NTM: variants seen among roughly 807,000 people sequenced by gnomAD.
The protein encoded by NTM is IgLON family member 2.
In NTM, 13 loss-of-function variants were observed where a neutral mutation model predicts 42.1. The observed-to-expected ratio is 0.31, with a 90% CI of 0.20 to 0.49. NTM has a LOEUF of 0.49. Ranked by LOEUF, NTM falls within the 20% of genes least tolerant of loss-of-function variation. NTM has a pLI of 0.99. For synonymous variants in NTM, 187 were observed against 179.2 expected, an observed-to-expected ratio of 1.04 and a Z score of -0.35; for missense variants, 373 against 452.8, an observed-to-expected ratio of 0.82 and a Z score of 1.60.
intron 1 of NTM, among the ~76,000 whole-genome samples, chr11:131,467,439 T>C (rs1952000870): frequency 6.6e-6 from 1 of 152,230 alleles, no homozygotes; most frequent in African/African-American, 2.4e-5. Flanking sequence ...ACATTGGTTT[T>C]ACACAAACTA....
At chr11:131,963,411 A>T (rs2062448349) in intron 2 of NTM, among the ~76,000 whole-genome samples, 1 of 152,228 alleles carries the variant, frequency 6.6e-6, no homozygotes, top group South Asian at 2.1e-4. Flanking sequence ...ACTGGGTGTT[A>T]AAGAAAACAT....
intron 1 of NTM, chr11:131,795,867 C>T: frequency 1.0e-6 from 1 of 984,450 alleles, no homozygotes; most frequent in Non-Finnish European, 1.2e-6. Flanking sequence ...GCTCCTGAAC[C>T]ATAGAGACCG....
At chr11:131,601,058 G>A (rs2060442824) in intron 1 of NTM, among the ~76,000 whole-genome samples, 4 of 152,142 alleles carry the variant, frequency 2.6e-5, no homozygotes, top group South Asian at 2.1e-4. Context: ...TTGGGATGGG[G>A]CACCTCTCCA....
At chr11:131,528,989 G>A (rs1351855068) in intron 1 of NTM, among the ~76,000 whole-genome samples, 1 of 152,198 alleles carries the variant, frequency 6.6e-6, no homozygotes, top group African/African-American at 2.4e-5. Flanking sequence ...GTGCCTAGAT[G>A]TCATGAGTGC....
chr11:131,927,594 C>T (rs886521900), intron 2 of NTM, among the ~76,000 whole-genome samples: 9 of 152,236 alleles, frequency 5.9e-5, no homozygotes, highest in Non-Finnish European at 1.0e-4. Context: ...TTGGCTTCTG[C>T]TGATTCCTTT....
chr11:131,647,849 G>C (rs2065957342), intron 1 of NTM, among the ~76,000 whole-genome samples: 1 of 152,168 alleles, frequency 6.6e-6, no homozygotes, highest in Non-Finnish European at 1.5e-5. Context: ...AGAAAGGATA[G>C]TCTTTTTGTT....
intron 4 of NTM, among the ~76,000 whole-genome samples, chr11:132,247,277 G>A (rs536147538): frequency 1.3e-5 from 2 of 152,196 alleles, no homozygotes; most frequent in Non-Finnish European, 2.9e-5. Context: ...CTCAGGGCCT[G>A]GGCATTGGAA....
chr11:131,766,250 A>C (rs1457486506), intron 1 of NTM, among the ~76,000 whole-genome samples: 1 of 152,204 alleles, frequency 6.6e-6, no homozygotes, highest in Non-Finnish European at 1.5e-5. Context: ...GAAGCAAAGC[A>C]GGTTGCATTT....
intron 1 of NTM, among the ~76,000 whole-genome samples, chr11:131,530,726 G>A (rs1055370278): frequency 6.6e-6 from 1 of 152,142 alleles, no homozygotes; most frequent in East Asian, 1.9e-4. Context: ...TGTGCTGGAG[G>A]GCCAACGACC....
At chr11:132,052,247 A>G (rs539756265) in intron 2 of NTM, among the ~76,000 whole-genome samples, 5 of 152,336 alleles carry the variant, frequency 3.3e-5, no homozygotes, top group Admixed American at 1.3e-4. Flanking sequence ...CAATTTCACC[A>G]GGAATAACTG....
chr11:131,929,523 G>A (rs776249446), intron 2 of NTM, among the ~76,000 whole-genome samples: 4 of 151,558 alleles, frequency 2.6e-5, no homozygotes, highest in Admixed American at 6.6e-5. Flanking sequence ...TTTGTATACG[G>A]CAAAGGCTGT....
intron 1 of NTM, among the ~76,000 whole-genome samples, chr11:131,598,727 C>G (rs906911469): frequency 1.1e-5 from 1 of 91,792 alleles, no homozygotes; most frequent in African/African-American, 3.9e-5. Flanking sequence ...TTCTTTCTTT[C>G]TTTCTTTCTT....
intron 3 of NTM, among the ~76,000 whole-genome samples, chr11:132,152,049 G>T (rs2072040192): frequency 6.6e-6 from 1 of 152,174 alleles, no homozygotes; most frequent in South Asian, 2.1e-4. Flanking sequence ...ATGATTCAGA[G>T]AACAGGAACA....
chr11:131,978,056 G>C (rs539425023), intron 2 of NTM, among the ~76,000 whole-genome samples: 1 of 152,314 alleles, frequency 6.6e-6, no homozygotes, highest in Admixed American at 6.5e-5. Context: ...GTGGTCAGGA[G>C]AGAAGGGAGC....
chr11:131,751,463 A>G (rs1345606564), intron 1 of NTM, among the ~76,000 whole-genome samples: 2 of 151,728 alleles, frequency 1.3e-5, no homozygotes, highest in Non-Finnish European at 2.9e-5. Context: ...GGTGGCGGGC[A>G]CCTGTAGTCC....
chr11:131,912,836 A>T (rs2055462555), intron 2 of NTM, among the ~76,000 whole-genome samples: 1 of 152,170 alleles, frequency 6.6e-6, no homozygotes, highest in South Asian at 2.1e-4. Context: ...TTTGGACTGT[A>T]TACTTAAGGC....
At chr11:131,769,548 GA>G in intron 1 of NTM, 2 of 944,562 alleles carry the variant, frequency 2.1e-6, no homozygotes, top group Non-Finnish European at 2.5e-6. Context: ...TTTTTTTCTG[GA>G]AGATCAAAAT....
chr11:131,789,460 G>GAAGA (rs1555127153), intron 1 of NTM, among the ~76,000 whole-genome samples: 1 of 13,354 alleles, frequency 7.5e-5, no homozygotes, highest in Non-Finnish European at 1.5e-4. Flanking sequence ...AGAAGAAGAA[G>GAAGA]AAGAAGAAGA....
chr11:131,916,209 C>A lies in NTM; in HGVS notation c.167+4561C>A, dbSNP rs577753280. Among the ~76,000 whole-genome samples the A allele has an allele frequency of 1.8e-4, 28 of 152,298 alleles. 1 individual carries two copies. The South Asian group carries it at 5.8e-3, about 32-fold the overall frequency. On this transcript the variant is annotated intron_variant, in intron 2 of 8. Coordinates refer to ENST00000683400, the MANE Select transcript of NTM (RefSeq NM_001352005.2). ...CTCCTGGGTGGAAGTGAGCAGACAT[C>A]AGTGAGGAATCAGAGAGCCCCAGAA...
Sources: gnomAD v4.1 joint callset for allele counts (sites outside exome capture counted in the v4.1 genomes callset) on GRCh38, gnomAD v4.1.1 for gene constraint, MANE v1.5 for transcripts, NCBI Gene and HGNC (gene_info 2026-07-23, HGNC 2026-07-21) for gene names.